Variants in TFRC observed in about 807,000 individuals in gnomAD.
TFRC encodes the protein transferrin receptor, also known as transferrin receptor protein 1.
In TFRC, 35 loss-of-function variants were observed where a neutral mutation model predicts 85.8. The observed-to-expected ratio is 0.41, with a 90% CI of 0.31 to 0.54. The LOEUF is 0.54. Among genes scored for constraint, TFRC ranks in the 20% least tolerant of loss-of-function variants. The probability of loss-of-function intolerance (pLI) is 0.31; values close to 1 mark genes in which losing one functional copy is unlikely to be tolerated. For missense variants in TFRC, 828 were observed against 921.5 expected (o/e 0.90, Z 1.31); for synonymous variants, 362 against 328.6 (o/e 1.10, Z -1.10).
intron 11 of TFRC, 50 bp downstream of exon 11, chr3:196,064,259 A>G: frequency 6.4e-7 from 1 of 1,572,162 alleles, no homozygotes; most frequent in Non-Finnish European, 8.6e-7. Context: ...TAACATCTAG[A>G]ACTGTATGCA....
At chr3:196,081,465 C>T (rs1362905865) in intron 1 of TFRC, among the ~76,000 whole-genome samples, 1 of 152,226 alleles carries the variant, frequency 6.6e-6, no homozygotes, top group Non-Finnish European at 1.5e-5. Flanking sequence ...ACGGGGCCCG[C>T]CCGGAGCCCG....
At chr3:196,057,473 C>T (rs1483258861) in intron 16 of TFRC, among the ~76,000 whole-genome samples, 6 of 152,142 alleles carry the variant, frequency 3.9e-5, no homozygotes, top group African/African-American at 1.4e-4. Flanking sequence ...AAGCTCCCAG[C>T]CAAATAAAGC....
At chr3:196,075,095 T>A (rs1294193396) in intron 3 of TFRC, 64 bp downstream of exon 3, 31 of 1,270,094 alleles carry the variant, frequency 2.4e-5, no homozygotes, top group Admixed American at 1.3e-4. Flanking sequence ...TATGCTGAGC[T>A]GACATAACAG....
chr3:196,073,836 C>A (rs993007592), intron 4 of TFRC, 94 bp downstream of exon 4: 3 of 1,299,294 alleles, frequency 2.3e-6, no homozygotes, highest in Admixed American at 2.7e-5. Flanking sequence ...CTCTAACAAG[C>A]CATTCCCCAC....
intron 1 of TFRC, among the ~76,000 whole-genome samples, chr3:196,077,964 G>A (rs2108659681): frequency 6.6e-6 from 1 of 152,234 alleles, no homozygotes; most frequent in South Asian, 2.1e-4. Flanking sequence ...GAAGAGGCCA[G>A]TTATTAGAGA....
chr3:196,077,375 C>G (rs1292828370), intron 1 of TFRC, among the ~76,000 whole-genome samples: 1 of 150,736 alleles, frequency 6.6e-6, no homozygotes, highest in Non-Finnish European at 1.5e-5. Flanking sequence ...GTCTTGAACT[C>G]CTGGCCTCAA....
In TFRC at chr3:196,075,082, CTA is replaced by C. The variant is rs1491445248; in HGVS notation, c.238+75_238+76del. ...AAAAAAAAAATAAGGTACAAAATAA[CTA>C]TATGCTGAGCTGACATAACAGACTT... On this transcript the variant is annotated intron_variant, in intron 3 of 18. Coordinates refer to ENST00000360110, the MANE Select transcript of TFRC (RefSeq NM_001128148.3). 107 of 757,248 alleles carry C rather than the reference CTA, an allele frequency of 1.4e-4. No homozygotes were observed. The East Asian group carries it at 3.0e-3, about 21-fold the overall frequency. The allele number at this position is 757,248 out of a possible 1,614,324, so 46.9% of individuals were successfully genotyped here. A position where few individuals can be genotyped will look rare whatever the true frequency, so the allele number is the denominator to read the frequency against.
chr3:196,058,473 G>C, intron 15 of TFRC, 101 bp downstream of exon 15: 1 of 1,466,832 alleles, frequency 6.8e-7, no homozygotes, highest in Admixed American at 1.8e-5. Flanking sequence ...ATCTTTAGGT[G>C]TAAGTAAGTT....
At chr3:196,080,386 G>T (rs1437286473) in intron 1 of TFRC, among the ~76,000 whole-genome samples, 1 of 152,224 alleles carries the variant, frequency 6.6e-6, no homozygotes, top group Non-Finnish European at 1.5e-5. Context: ...TTACAGACGT[G>T]AGCCACCATG....
intron 2 of TFRC, among the ~76,000 whole-genome samples, chr3:196,076,564 C>T (rs1718720718): frequency 6.6e-6 from 1 of 152,056 alleles, no homozygotes; most frequent in Non-Finnish European, 1.5e-5. Context: ...ATTCTCCTGC[C>T]TCAGCCTCCC....
chr3:196,066,060 G>T (rs1219344870), intron 9 of TFRC, among the ~76,000 whole-genome samples: 1 of 151,866 alleles, frequency 6.6e-6, no homozygotes, highest in Admixed American at 6.6e-5. Flanking sequence ...TGAACCATTT[G>T]CGTCTTACTT....
rs546559672 is a variant in TFRC at position 196,058,483 on chromosome 3, T to C, written c.1595+91A>G. On this transcript the variant is annotated intron_variant, in intron 15 of 18. Coordinates refer to ENST00000360110, the MANE Select transcript of TFRC (RefSeq NM_001128148.3). ...TGAATATCTTTAGGTGTAAGTAAGT[T>C]CAATGCAAGGACAGATTTAGATTCT... 1.2e-5 allele frequency: 18 copies of C among 1,487,726 alleles called. No homozygotes were observed. The South Asian group carries it at 2.1e-4, about 18-fold the overall frequency. The allele number at this position is 1,487,726 out of a possible 1,614,324, so 92.2% of individuals were successfully genotyped here.
Position 196,073,937 on chromosome 3 carries a change from T to C in TFRC, c.427A>G (p.Thr143Ala). ...EKLDSTDFTG[T>A]IKLLNENSYV... The stretch of plus-strand genomic sequence containing the variant: ...ACAGCAGCTGGCACTCACTTGATGG[T>C]GCCGGTGAAGTCTGTGCTGTCCAGT... The change falls in exon 4 of 19, where the codon ACC (threonine) becomes GCC (alanine). Residue 143 changes from threonine (T) to alanine (A), a missense_variant. Coordinates refer to ENST00000360110, the MANE Select transcript of TFRC (RefSeq NM_001128148.3). 1.2e-6 allele frequency: 2 copies of C among 1,612,864 alleles called. No individual in the cohort carries two copies. The highest frequency in any genetic ancestry group is 1.7e-6 in the Non-Finnish European group (2 of 1,179,248).
rs548080460 is a variant in TFRC, at chr3:196,055,397, C to T, written c.1678-96G>A. The T allele has an allele frequency of 3.0e-6, 3 of 989,730 alleles. No individual in the cohort carries two copies. In the South Asian group the frequency reaches 4.1e-5, roughly 13 times the overall value. The allele number at this position is 989,730 out of a possible 1,614,324, so 61.3% of individuals were successfully genotyped here. A position where few individuals can be genotyped will look rare whatever the true frequency, so the allele number is the denominator to read the frequency against. ...CATCGAGGTAACAGTGACGACAGTT[C>T]CACCCTTGCTTCTAACATATTCCTA... On this transcript the variant is annotated intron_variant, in intron 16 of 18. Transcript: ENST00000360110.
chr3:196,081,016 G>A (rs1719125605), intron 1 of TFRC, among the ~76,000 whole-genome samples: 1 of 152,150 alleles, frequency 6.6e-6, no homozygotes, highest in Non-Finnish European at 1.5e-5. Flanking sequence ...GGTAAGTGAG[G>A]TCTCTACAAG....
chr3:196,071,471 A>T lies in TFRC; in HGVS notation c.612T>A (p.Asp204Glu), dbSNP rs776895030. Residue 204 changes from aspartate to glutamate, a missense_variant, in exon 6 of 19, where the codon GAT becomes GAA. Asp to Glu is a conservative substitution (Grantham distance 45, BLOSUM62 2). Coordinates refer to ENST00000360110, the MANE Select transcript of TFRC (RefSeq NM_001128148.3). Reference protein sequence around the residue: ...DSAQNSVIIVDKNGRLVYLVE... With the variant: ...DSAQNSVIIVEKNGRLVYLVE... ...CCAGGTAAACAAGTCTACCGTTCTT[A>T]TCAACTATGATCACCGAGTTTTGAG... is the stretch of plus-strand genomic sequence containing the variant. 6.2e-7 allele frequency: 1 copy of T among 1,614,136 alleles called. No homozygotes were observed. Among genetic ancestry groups the T allele is most frequent in the South Asian group, 1.1e-5 (1 of 91,088 alleles).
intron 7 of TFRC, among the ~76,000 whole-genome samples, chr3:196,069,058 C>G (rs1717974498): frequency 6.6e-6 from 1 of 152,124 alleles, no homozygotes; most frequent in South Asian, 2.1e-4. Context: ...TCAAGCAGTC[C>G]TCCCACCTCA....
chr3:196,065,466 A>T lies in TFRC; in HGVS notation c.1175T>A (p.Val392Asp). Residue 392 changes from valine (V) to aspartate (D), a missense_variant, in exon 10 of 19, where the codon GTT becomes GAT. Physicochemically the swap from Val to Asp is radical, Grantham distance 152. Transcript: ENST00000360110. ...KEIKILNIFGVIKGFVEPDHY... is the reference protein window; with the variant it reads ...KEIKILNIFGDIKGFVEPDHY... ...ACCTGGTTCTACAAAGCCTTTAATA[A>T]CTCCAAAGATGTTAAGAATTTTTAT... is the stretch of plus-strand genomic sequence containing the variant. The T allele has an allele frequency of 1.3e-6, 2 of 1,551,954 alleles. No homozygotes were observed. Among genetic ancestry groups the T allele is most frequent in the South Asian group, 1.1e-5 (1 of 87,096 alleles).
In TFRC at chr3:196,067,568, A is replaced by G; in HGVS notation, c.990T>C (p.Pro330=). The G allele has an allele frequency of 1.9e-6, 3 of 1,614,198 alleles. No individual in the cohort carries two copies. Among genetic ancestry groups the G allele is most frequent in the Non-Finnish European group, 2.5e-6 (3 of 1,180,020 alleles). Residue 330 remains proline, a synonymous_variant, in exon 9 of 19, where the codon CCT becomes CCC. Coordinates refer to ENST00000360110, the MANE Select transcript of TFRC (RefSeq NM_001128148.3). ...QFPPSRSSGL[P]NIPVQTISRA... ...TGGAGATTGTCTGGACAGGTATATTAGGCAATCCTGATGACCGAGATGGTG... is the reference window on the plus strand; with the variant it reads ...TGGAGATTGTCTGGACAGGTATATTGGGCAATCCTGATGACCGAGATGGTG...
Sources: gnomAD v4.1 joint callset for allele counts (sites outside exome capture counted in the v4.1 genomes callset) on GRCh38, gnomAD v4.1.1 for gene constraint, MANE v1.5 for transcripts, NCBI Gene and HGNC (gene_info 2026-07-23, HGNC 2026-07-21) for gene names.